CERS4: variants seen among roughly 807,000 people sequenced by gnomAD.
The protein encoded by CERS4 is ceramide synthase 4.
A neutral mutation model predicts 51.8 loss-of-function variants in CERS4; 65 were observed. The ratio of observed to expected loss-of-function variants is 1.26; its 90% CI spans 1.03 to 1.54. The LOEUF (loss-of-function observed/expected upper bound fraction) is 1.54. Among genes scored for constraint, CERS4 ranks in the 40% most tolerant of loss-of-function variants. The pLI, the probability that CERS4 is intolerant of heterozygous loss-of-function variation, is 0.00. For missense variants in CERS4, 563 were observed against 500.4 expected, an observed-to-expected ratio of 1.13 and a Z score of -1.19; for synonymous variants, 228 against 208.4, an observed-to-expected ratio of 1.09 and a Z score of -0.81.
At chr19:8,259,347 G>A (rs1017517616) in intron 10 of CERS4, among the ~76,000 whole-genome samples, 2 of 152,132 alleles carry the variant, frequency 1.3e-5, no homozygotes, top group African/African-American at 4.8e-5. Context: ...CATGTTAGAG[G>A]AAGAGCAAGG....
rs1390929916 is a variant in CERS4, at chr19:8,257,045, C to A, written c.709C>A (p.Leu237Met). The A allele has an allele frequency of 3.7e-6, 6 of 1,611,142 alleles. No individual in the cohort carries two copies. Among genetic ancestry groups the A allele is most frequent in the Non-Finnish European group, 5.1e-6 (6 of 1,178,222 alleles). ...GCTGCGCATTGGCTCTCTGGTGCTGCTGTTACACGATTCCTCTGACTACCT... is the reference window on the plus strand; with the variant it reads ...GCTGCGCATTGGCTCTCTGGTGCTGATGTTACACGATTCCTCTGACTACCT... ...NLLRIGSLVL[L>M]LHDSSDYLLE... The change falls in exon 9 of 12, where the codon CTG (leucine) becomes ATG (methionine). Residue 237 changes from leucine (L) to methionine (M), a missense_variant. Physicochemically the swap from Leu to Met is conservative, Grantham distance 15. Transcript: ENST00000251363.
At chr19:8,228,903 A>C (rs1401574625) in intron 2 of CERS4, among the ~76,000 whole-genome samples, 1 of 151,892 alleles carries the variant, frequency 6.6e-6, no homozygotes, top group Non-Finnish European at 1.5e-5. Flanking sequence ...ACATGCCTGT[A>C]ATCCCAGCTA....
At chr19:8,245,539 A>ATT (rs1476375893) in intron 2 of CERS4, among the ~76,000 whole-genome samples, 5 of 151,424 alleles carry the variant, frequency 3.3e-5, no homozygotes, top group African/African-American at 1.2e-4. Context: ...TTTTATTTTT[A>ATT]TTTATTTTAT....
intron 2 of CERS4, among the ~76,000 whole-genome samples, chr19:8,212,939 C>T (rs1037982760): frequency 3.9e-5 from 6 of 152,174 alleles, no homozygotes; most frequent in South Asian, 2.1e-4. Flanking sequence ...TGAGCCACTG[C>T]GCCCAGCCCG....
intron 2 of CERS4, among the ~76,000 whole-genome samples, chr19:8,230,496 T>TA (rs1967966154): frequency 6.6e-6 from 1 of 152,174 alleles, no homozygotes; most frequent in Non-Finnish European, 1.5e-5. Context: ...AGCCATAAGT[T>TA]AGATCTTTTG....
chr19:8,241,942 A>G (rs934417236), intron 2 of CERS4, among the ~76,000 whole-genome samples: 1 of 152,138 alleles, frequency 6.6e-6, no homozygotes, highest in Non-Finnish European at 1.5e-5. Flanking sequence ...AAAAGCTAGA[A>G]ATTGAGGAAC....
At position 8,251,150 on chromosome 19, in the gene CERS4, TAGA is replaced by T. The variant is rs1599576856; in HGVS notation, c.78_80del (p.Glu26del). On this transcript the variant is annotated inframe_deletion, in exon 3 of 12. Coordinates refer to ENST00000251363, the MANE Select transcript of CERS4 (RefSeq NM_024552.3). ...CCACCCAATGTCACGTGGACAGAGC[TAGA>T]AGACCGGGATGGCCGTGTCTACCCC... The T allele has an allele frequency of 1.2e-6, 2 of 1,613,368 alleles. No homozygotes were observed. The highest frequency in any genetic ancestry group is 1.7e-6 in the Non-Finnish European group (2 of 1,179,740).
intron 2 of CERS4, among the ~76,000 whole-genome samples, chr19:8,237,901 T>A (rs1345465038): frequency 3.3e-5 from 5 of 152,060 alleles, no homozygotes; most frequent in Non-Finnish European, 7.4e-5. Context: ...CACGTACAGC[T>A]TCTTGCCTGT....
chr19:8,238,804 A>T (rs1364561503), intron 2 of CERS4, among the ~76,000 whole-genome samples: 1 of 152,116 alleles, frequency 6.6e-6, no homozygotes, highest in Non-Finnish European at 1.5e-5. Context: ...GACATTAAGA[A>T]ATTGCACGCT....
chr19:8,235,135 A>C (rs562468639), intron 2 of CERS4, among the ~76,000 whole-genome samples: 226 of 146,326 alleles, frequency 1.5e-3, no homozygotes, highest in Middle Eastern at 7.4e-3. Flanking sequence ...CAGCCTCCCG[A>C]GTAGCTGGGA....
chr19:8,235,944 C>T (rs931410081), intron 2 of CERS4, among the ~76,000 whole-genome samples: 3 of 152,040 alleles, frequency 2.0e-5, no homozygotes, highest in Non-Finnish European at 4.4e-5. Flanking sequence ...GCCTGTAATC[C>T]CAGCACTTTG....
At chr19:8,253,173 C>T (rs946483103) in intron 3 of CERS4, among the ~76,000 whole-genome samples, 2 of 152,234 alleles carry the variant, frequency 1.3e-5, no homozygotes, top group African/African-American at 4.8e-5. Flanking sequence ...GTTGGCGCGC[C>T]CTCTTGTGGG....
At chr19:8,255,105 G>A (rs759493686) in intron 4 of CERS4, among the ~76,000 whole-genome samples, 39 of 152,274 alleles carry the variant, frequency 2.6e-4, no homozygotes, top group Non-Finnish European at 2.4e-4. Flanking sequence ...CCGCTGGACA[G>A]GGTCTGTGCT....
At chr19:8,257,281 C>T (rs574942715) in intron 9 of CERS4, 38 of 586,838 alleles carry the variant, frequency 6.5e-5, no homozygotes, top group East Asian at 3.2e-5. Context: ...GATGAAGCCC[C>T]ACCCTTCTTG....
intron 2 of CERS4, among the ~76,000 whole-genome samples, chr19:8,214,122 C>T (rs892641843): frequency 4.6e-5 from 7 of 151,998 alleles, no homozygotes; most frequent in African/African-American, 1.7e-4. Flanking sequence ...CTACCCCCTC[C>T]TGGACTCCCA....
intron 2 of CERS4, among the ~76,000 whole-genome samples, chr19:8,248,532 T>G (rs1968889325): frequency 6.6e-6 from 1 of 150,992 alleles, no homozygotes; most frequent in Non-Finnish European, 1.5e-5. Flanking sequence ...GATCAGTGGA[T>G]GGATGATGGC....
intron 3 of CERS4, among the ~76,000 whole-genome samples, chr19:8,253,762 G>A (rs1272714710): frequency 6.6e-6 from 1 of 152,030 alleles, no homozygotes; most frequent in Non-Finnish European, 1.5e-5. Flanking sequence ...AGATGATTTT[G>A]TATTTTCAGT....
intron 2 of CERS4, among the ~76,000 whole-genome samples, chr19:8,223,227 G>T (rs771775356): frequency 6.6e-6 from 1 of 151,830 alleles, no homozygotes; most frequent in Non-Finnish European, 1.5e-5. Context: ...AGCACTTTGG[G>T]ATCCTGTTGA....
At chr19:8,211,605 G>A (rs963689863) in intron 2 of CERS4, among the ~76,000 whole-genome samples, 6 of 152,148 alleles carry the variant, frequency 3.9e-5, no homozygotes, top group South Asian at 2.1e-4. Flanking sequence ...AAAATATCAC[G>A]GAGGGGCTGG....
Sources: gnomAD v4.1 joint callset for allele counts (sites outside exome capture counted in the v4.1 genomes callset) on GRCh38, gnomAD v4.1.1 for gene constraint, MANE v1.5 for transcripts, NCBI Gene and HGNC (gene_info 2026-07-23, HGNC 2026-07-21) for gene names.